GALNTL6: variants seen among roughly 807,000 people sequenced by gnomAD.
GALNTL6 encodes the protein polypeptide N-acetylgalactosaminyltransferase like 6.
A neutral mutation model predicts 73.7 loss-of-function variants in GALNTL6; 46 were observed. The ratio of observed to expected loss-of-function variants is 0.62; its 90% confidence interval spans 0.49 to 0.80. GALNTL6 has a LOEUF of 0.80. Ranked by LOEUF, GALNTL6 falls within the 30% of genes least tolerant of loss-of-function variation. GALNTL6 has a pLI of 0.00. For missense variants in GALNTL6, 604 were observed against 755.0 expected, an observed-to-expected ratio of 0.80 and a Z score of 2.34; for synonymous variants, 259 against 263.7, an observed-to-expected ratio of 0.98 and a Z score of 0.17.
chr4:172,105,639 C>T (rs1428531474), intron 2 of GALNTL6, among the ~76,000 whole-genome samples: 2 of 151,852 alleles, frequency 1.3e-5, no homozygotes, highest in Non-Finnish European at 2.9e-5. Context: ...TATAAAGGGG[C>T]ATCAATTTTT....
At chr4:172,584,726 T>C (rs1035767928) in intron 5 of GALNTL6, among the ~76,000 whole-genome samples, 2 of 152,144 alleles carry the variant, frequency 1.3e-5, no homozygotes, top group Non-Finnish European at 2.9e-5. Flanking sequence ...CTAATTAAGA[T>C]TGAGGACATC....
At chr4:172,179,653 T>G (rs1267171142) in intron 2 of GALNTL6, among the ~76,000 whole-genome samples, 2 of 148,156 alleles carry the variant, frequency 1.3e-5, no homozygotes, top group East Asian at 1.9e-4. Flanking sequence ...AGAAGCTCTT[T>G]AGTTTAATTA....
In GALNTL6 at chr4:173,031,504, G is replaced by C. The variant is rs143478345; in HGVS notation, c.1639-8429G>C. On this transcript the variant is annotated intron_variant, in intron 12 of 12. Transcript: ENST00000506823. ...CTCTTTCCGGCATCTAAAACACTCT[G>C]TGGCACATAATAGGTACTTAATTCA... Among the ~76,000 whole-genome samples, 100 of 152,192 alleles carry C rather than the reference G, an allele frequency of 6.6e-4. No homozygotes were observed. The East Asian group carries it at 0.014, about 21-fold the overall frequency.
At chr4:172,182,545 A>G (rs1361668314) in intron 2 of GALNTL6, among the ~76,000 whole-genome samples, 4 of 77,244 alleles carry the variant, frequency 5.2e-5, no homozygotes, top group African/African-American at 1.7e-4. Flanking sequence ...ATTCCCAATG[A>G]AAAATACCAA....
At chr4:172,121,327 G>A (rs1020080004) in intron 2 of GALNTL6, among the ~76,000 whole-genome samples, 13 of 150,522 alleles carry the variant, frequency 8.6e-5, no homozygotes, top group East Asian at 2.0e-4. Flanking sequence ...ACAAGATTGT[G>A]GTTTTTGCAG....
chr4:172,935,364 T>TA (rs936519176), intron 9 of GALNTL6, among the ~76,000 whole-genome samples: 3 of 152,060 alleles, frequency 2.0e-5, no homozygotes, highest in Non-Finnish European at 4.4e-5. Context: ...ATATCAAAAT[T>TA]AAAATAACTA....
At chr4:172,214,366 T>C (rs1736426364) in intron 2 of GALNTL6, among the ~76,000 whole-genome samples, 1 of 152,086 alleles carries the variant, frequency 6.6e-6, no homozygotes, top group African/African-American at 2.4e-5. Context: ...TCCATAGTCT[T>C]CTCTATTTTT....
chr4:172,779,008 T>TACACACACAC (rs36125820), intron 5 of GALNTL6, among the ~76,000 whole-genome samples: 53 of 150,404 alleles, frequency 3.5e-4, no homozygotes, highest in African/African-American at 1.2e-3. Flanking sequence ...CACACTCCCA[T>TACACACACAC]ACACACACAC....
chr4:172,554,834 C>A (rs1411479722), intron 5 of GALNTL6, among the ~76,000 whole-genome samples: 1 of 152,074 alleles, frequency 6.6e-6, no homozygotes, highest in Non-Finnish European at 1.5e-5. Flanking sequence ...CTGAGTGGTT[C>A]CCAGGTCTTG....
chr4:172,786,726 G>A (rs1268470106), intron 5 of GALNTL6, among the ~76,000 whole-genome samples: 1 of 152,086 alleles, frequency 6.6e-6, no homozygotes, highest in African/African-American at 2.4e-5. Context: ...GCACATTCTT[G>A]GAAGATGTGC....
chr4:172,169,896 A>T (rs7661465), intron 2 of GALNTL6, among the ~76,000 whole-genome samples: 9,767 of 152,260 alleles, frequency 0.064, 517 homozygotes, highest in African/African-American at 0.15. Context: ...TCTGAGGAAC[A>T]GCTTTGCAGG....
intron 5 of GALNTL6, among the ~76,000 whole-genome samples, chr4:172,565,895 T>C (rs940590782): frequency 3.3e-5 from 5 of 152,088 alleles, no homozygotes; most frequent in African/African-American, 1.2e-4. Context: ...GATACTTATA[T>C]AAGACAAAAT....
chr4:172,883,031 C>G (rs1745540939), intron 8 of GALNTL6, 124 bp downstream of exon 8: 2 of 577,720 alleles, frequency 3.5e-6, no homozygotes, highest in Non-Finnish European at 6.2e-6. Flanking sequence ...TATCACCTTC[C>G]CAAGTGAGCT....
intron 2 of GALNTL6, among the ~76,000 whole-genome samples, chr4:171,822,680 A>G (rs1734717560): frequency 6.6e-6 from 1 of 152,192 alleles, no homozygotes; most frequent in Non-Finnish European, 1.5e-5. Flanking sequence ...TATTGTTGAT[A>G]CCATATTTTT....
intron 3 of GALNTL6, among the ~76,000 whole-genome samples, chr4:172,248,938 A>G (rs1364491192): frequency 6.6e-6 from 1 of 152,154 alleles, no homozygotes; most frequent in African/African-American, 2.4e-5. Context: ...AGTCTCAGGT[A>G]TTTCTTCATA....
chr4:172,954,440 C>G lies in GALNTL6; in HGVS notation c.1371+2182C>G, dbSNP rs561088093. Among the ~76,000 whole-genome samples the G allele has an allele frequency of 2.0e-5, 3 of 152,268 alleles. No individual in the cohort carries two copies. The East Asian group carries it at 5.8e-4, about 29-fold the overall frequency. ...AGACATTTGCATTCATTATTTCCGGCTTAAACAATGAGACGTTGAGAAGAT... is the reference window on the plus strand; with the variant it reads ...AGACATTTGCATTCATTATTTCCGGGTTAAACAATGAGACGTTGAGAAGAT... On this transcript the variant is annotated intron_variant, in intron 10 of 12. Transcript: ENST00000506823.
At chr4:172,155,517 G>GA (rs1233672145) in intron 2 of GALNTL6, among the ~76,000 whole-genome samples, 1 of 152,144 alleles carries the variant, frequency 6.6e-6, no homozygotes, top group Non-Finnish European at 1.5e-5. Context: ...ATAGTAACTT[G>GA]AAAAGACCTT....
At position 172,669,744 on chromosome 4, in the gene GALNTL6, T is replaced by A. The variant is rs148164110; in HGVS notation, c.554-139617T>A. On this transcript the variant is annotated intron_variant, in intron 5 of 12. Coordinates refer to ENST00000506823, the MANE Select transcript of GALNTL6 (RefSeq NM_001034845.3). ...GTAAACTTGTGCCATGGGGGGTTGA[T>A]ATACAGATTATTTCATCACTCAGGT... is the stretch of plus-strand genomic sequence containing the variant. Among the ~76,000 whole-genome samples the A allele has an allele frequency of 6.0e-3, 291 of 48,470 alleles. 2 individuals are homozygous for A. The highest frequency in any genetic ancestry group is 0.016 in the African/African-American group (280 of 17,140). The allele number at this position is 48,470 out of a possible 152,430, so 31.8% of individuals were successfully genotyped here.
chr4:172,111,570 A>G (rs1185679439), intron 2 of GALNTL6, among the ~76,000 whole-genome samples: 2 of 152,074 alleles, frequency 1.3e-5, no homozygotes, highest in Non-Finnish European at 2.9e-5. Context: ...TTTTTACTAT[A>G]ATATAAAATT....
Sources: allele counts gnomAD v4.1 joint callset (sites outside exome capture counted in the v4.1 genomes callset), GRCh38; gene constraint gnomAD v4.1.1; transcripts MANE v1.5; gene names NCBI Gene and HGNC (gene_info 2026-07-23, HGNC 2026-07-21).